The following LIPA variants were observed in gnomAD, a reference collection of about 807,000 sequenced individuals.
The protein encoded by LIPA is lysosomal acid lipase/cholesteryl ester hydrolase.
A neutral mutation model predicts 40.6 loss-of-function variants in LIPA; 26 were observed. The observed-to-expected ratio is 0.64, with a 90% CI of 0.47 to 0.89. LIPA has a LOEUF of 0.89. LIPA is among the 40% of genes least tolerant of loss of function. The pLI, the probability that LIPA is intolerant of heterozygous loss-of-function variation, is 0.00. For missense variants in LIPA, 455 were observed against 479.6 expected (o/e 0.95, Z 0.48); for synonymous variants, 188 against 168.4 (o/e 1.12, Z -0.90).
chr10:89,242,614 G>A (rs1439853398), intron 3 of LIPA, among the ~76,000 whole-genome samples: 1 of 152,164 alleles, frequency 6.6e-6, no homozygotes, highest in Non-Finnish European at 1.5e-5. Flanking sequence ...CATGGCAACA[G>A]GACTGAAAGA....
At chr10:89,226,577 T>G (rs1842772822) in intron 5 of LIPA, among the ~76,000 whole-genome samples, 1 of 152,228 alleles carries the variant, frequency 6.6e-6, no homozygotes, top group Non-Finnish European at 1.5e-5. Context: ...AGGCAGTATA[T>G]TTTCTTGTTT....
intron 2 of LIPA, among the ~76,000 whole-genome samples, chr10:89,358,300 G>A (rs1844000449): frequency 6.6e-6 from 1 of 152,170 alleles, no homozygotes; most frequent in East Asian, 1.9e-4. Context: ...TGCTGATGAG[G>A]ATGCAGAGAA....
chr10:89,383,551 G>A (rs773843524), intron 2 of LIPA: 7 of 1,614,058 alleles, frequency 4.3e-6, no homozygotes, highest in Non-Finnish European at 5.9e-6. Flanking sequence ...AAAGGCTGAA[G>A]ACTTAATTCA....
intron 2 of LIPA, among the ~76,000 whole-genome samples, chr10:89,382,022 G>A (rs1011180338): frequency 1.4e-4 from 21 of 152,038 alleles, no homozygotes; most frequent in Non-Finnish European, 2.2e-4. Context: ...TGCCTACCTC[G>A]GCCTCCCAAA....
At chr10:89,391,538 A>T (rs1266969123) in intron 2 of LIPA, among the ~76,000 whole-genome samples, 1 of 151,702 alleles carries the variant, frequency 6.6e-6, no homozygotes, top group East Asian at 1.9e-4. Context: ...TTTTTTATTT[A>T]TTTATTTTTT....
intron 8 of LIPA, 58 bp downstream of exon 8, chr10:89,222,453 C>G: frequency 9.4e-7 from 1 of 1,065,702 alleles, no homozygotes; most frequent in Non-Finnish European, 1.5e-6. Context: ...GTTTGCATGC[C>G]CAGACCTTTC....
chr10:89,267,758 A>G (rs977061724), intron 1 of LIPA, among the ~76,000 whole-genome samples: 7 of 151,838 alleles, frequency 4.6e-5, no homozygotes, highest in African/African-American at 1.4e-4. Flanking sequence ...TTAAAAAAAA[A>G]AAAAAGAAAG....
chr10:89,383,546 CT>C (rs1261374066), intron 2 of LIPA: 1 of 1,614,078 alleles, frequency 6.2e-7, no homozygotes, highest in Admixed American at 1.7e-5. Context: ...TTGAAAAAGG[CT>C]GAAGACTTAA....
intron 2 of LIPA, among the ~76,000 whole-genome samples, chr10:89,347,758 A>T (rs186699265): frequency 2.4e-4 from 37 of 152,268 alleles, no homozygotes; most frequent in African/African-American, 8.4e-4. Context: ...GTCTATATTA[A>T]ACTTTTAACC....
rs374051477 is a variant in LIPA, at chr10:89,407,155, TG to T, written c.61+5635del. Among the ~76,000 whole-genome samples, 676 of 152,290 alleles carry T rather than the reference TG, an allele frequency of 4.4e-3. 9 individuals carry two copies. The highest frequency in any genetic ancestry group is 0.015 in the African/African-American group (612 of 41,556). On this transcript the variant is annotated intron_variant, in intron 2 of 8. Coordinates refer to the LIPA transcript ENST00000371837. Reference sequence around the variant, plus strand: ...GACAGGGAGGAAAGCCATTCAGCTCTGGGGTCCTGACAACAAGTTCATTGAC... The same window carrying T: ...GACAGGGAGGAAAGCCATTCAGCTCTGGGTCCTGACAACAAGTTCATTGAC...
At chr10:89,391,165 G>T (rs304478) in intron 2 of LIPA, among the ~76,000 whole-genome samples, 94,721 of 152,130 alleles carry the variant, frequency 0.62, 31,977 homozygotes, top group African/African-American at 0.88. Context: ...TGCTTCTTAT[G>T]TTAAAAGACA....
chr10:89,221,137 T>C (rs1047447413), intron 8 of LIPA, among the ~76,000 whole-genome samples: 3 of 152,292 alleles, frequency 2.0e-5, no homozygotes, highest in Non-Finnish European at 4.4e-5. Flanking sequence ...ATTATGGTGA[T>C]GGTTTCACAG....
At chr10:89,236,413 T>C (rs1164885858) in intron 3 of LIPA, among the ~76,000 whole-genome samples, 2 of 152,224 alleles carry the variant, frequency 1.3e-5, no homozygotes, top group African/African-American at 4.8e-5. Flanking sequence ...AAATTGCACA[T>C]TGCAGTAAAA....
chr10:89,346,216 T>C (rs963627143), upstream of LIPA, among the ~76,000 whole-genome samples: 3 of 152,214 alleles, frequency 2.0e-5, no homozygotes, highest in Non-Finnish European at 4.4e-5. Context: ...GTTGTAAAAA[T>C]GGTGCCCAGA....
intron 7 of LIPA, 52 bp downstream of exon 7, chr10:89,223,632 A>AGC (rs1842728240): frequency 7.2e-7 from 1 of 1,396,380 alleles, no homozygotes; most frequent in Non-Finnish European, 1.0e-6. Context: ...AACACAAATA[A>AGC]GCACATTCAC....
chr10:89,347,884 C>T (rs1393771762), intron 2 of LIPA, among the ~76,000 whole-genome samples: 1 of 152,172 alleles, frequency 6.6e-6, no homozygotes, highest in East Asian at 1.9e-4. Flanking sequence ...TCCCAGAGGA[C>T]ATGCATGGCA....
chr10:89,309,379 G>C (rs3740027), intron 1 of LIPA: 2 of 152,038 alleles, frequency 1.3e-5, no homozygotes, highest in Non-Finnish European at 2.9e-5. Context: ...TATTTTTCAA[G>C]AGGCCTCTAA....
rs116908003 is a variant in LIPA, at chr10:89,312,216, G to C, written c.-2+30395C>G. Among the ~76,000 whole-genome samples, 1,027 of 152,246 alleles carry C rather than the reference G, an allele frequency of 6.7e-3. 16 individuals carry two copies. The highest frequency in any genetic ancestry group is 0.052 in the East Asian group (267 of 5,180). On this transcript the variant is annotated intron_variant, in intron 1 of 5. Transcript: ENST00000282673. ...CACACTTTGGGAGGCTGAGGTGAGC[G>C]GATTGTTTGAGCCCAGGAGTTCGAG...
chr10:89,267,684 C>T (rs1843244672), intron 1 of LIPA, among the ~76,000 whole-genome samples: 1 of 138,376 alleles, frequency 7.2e-6, no homozygotes, highest in Non-Finnish European at 1.5e-5. Flanking sequence ...ACATATGTAA[C>T]TAACCTGCAC....
Sources: allele counts gnomAD v4.1 joint callset (sites outside exome capture counted in the v4.1 genomes callset), GRCh38; gene constraint gnomAD v4.1.1; transcripts MANE v1.5; gene names NCBI Gene and HGNC (gene_info 2026-07-23, HGNC 2026-07-21).